Variants in EYS observed in about 807,000 individuals in gnomAD.
EYS encodes the protein protein eyes shut homolog.
In EYS, 250 loss-of-function variants were observed where a neutral mutation model predicts 282.1. The observed-to-expected ratio is 0.89, with a 90% CI of 0.80 to 0.98. The LOEUF is 0.98. Ranked by LOEUF, EYS falls within the 50% of genes least tolerant of loss-of-function variation. EYS has a pLI of 0.00. For missense variants in EYS, 4,016 were observed against 3,709.0 expected, an observed-to-expected ratio of 1.08 and a Z score of -2.15; for synonymous variants, 1,355 against 1,282.9, an observed-to-expected ratio of 1.06 and a Z score of -1.20.
intron 19 of EYS, among the ~76,000 whole-genome samples, chr6:64,870,489 T>A (rs1421954407): frequency 7.1e-6 from 1 of 140,656 alleles, no homozygotes; most frequent in Non-Finnish European, 1.5e-5. Flanking sequence ...TACAACATTA[T>A]AAGATCAAAA....
intron 11 of EYS, among the ~76,000 whole-genome samples, chr6:65,315,021 G>A (rs980500751): frequency 2.0e-5 from 3 of 152,056 alleles, no homozygotes; most frequent in African/African-American, 4.8e-5. Context: ...CTGAATACCC[G>A]TTCAAATGAA....
intron 22 of EYS, among the ~76,000 whole-genome samples, chr6:64,714,533 T>C (rs1771315647): frequency 6.8e-6 from 1 of 147,276 alleles, no homozygotes. Context: ...TTTTTTTTTT[T>C]TTTTTTTTTT....
intron 35 of EYS, among the ~76,000 whole-genome samples, chr6:63,879,184 A>G (rs956770581): frequency 1.3e-5 from 2 of 152,172 alleles, no homozygotes; most frequent in Non-Finnish European, 1.5e-5. Flanking sequence ...CTTGAAACTG[A>G]AGAATATATA....
intron 28 of EYS, among the ~76,000 whole-genome samples, chr6:64,393,266 C>A (rs1044796197): frequency 6.6e-6 from 1 of 152,164 alleles, no homozygotes. Flanking sequence ...AGGGAATCCT[C>A]CCTAACTCAT....
intron 24 of EYS, among the ~76,000 whole-genome samples, chr6:64,601,444 T>A (rs899168421): frequency 1.2e-4 from 18 of 151,910 alleles, no homozygotes; most frequent in Non-Finnish European, 2.5e-4. Flanking sequence ...ATCATTACTC[T>A]ATTGCTGAAG....
At chr6:64,593,682 C>A (rs371148514) in intron 24 of EYS, among the ~76,000 whole-genome samples, 3 of 152,042 alleles carry the variant, frequency 2.0e-5, no homozygotes, top group African/African-American at 7.2e-5. Context: ...CTCTAAAAGT[C>A]AAATTTAGTT....
chr6:64,804,469 T>C (rs1764362311), intron 22 of EYS, among the ~76,000 whole-genome samples: 2 of 152,190 alleles, frequency 1.3e-5, no homozygotes, highest in African/African-American at 2.4e-5. Context: ...ATTAACCATC[T>C]GGTAATTATG....
intron 5 of EYS, among the ~76,000 whole-genome samples, chr6:65,433,644 C>T (rs563090532): frequency 2.0e-5 from 3 of 152,082 alleles, no homozygotes; most frequent in African/African-American, 4.8e-5. Context: ...AGATTTAGTA[C>T]GTTATTCAGA....
At chr6:63,852,623 C>T (rs1772288592) in intron 36 of EYS, among the ~76,000 whole-genome samples, 1 of 152,168 alleles carries the variant, frequency 6.6e-6, no homozygotes, top group Non-Finnish European at 1.5e-5. Flanking sequence ...TCCTCCCTAA[C>T]ACATTTTATG....
At chr6:64,611,656 G>A (rs781353890) in intron 24 of EYS, among the ~76,000 whole-genome samples, 24 of 152,130 alleles carry the variant, frequency 1.6e-4, no homozygotes, top group Non-Finnish European at 2.4e-4. Context: ...AATTTCACCC[G>A]AATAAGAGCA....
intron 12 of EYS, among the ~76,000 whole-genome samples, chr6:65,165,798 G>A (rs1459249032): frequency 6.6e-6 from 1 of 151,010 alleles, no homozygotes; most frequent in Non-Finnish European, 1.5e-5. Context: ...TATGGCATAT[G>A]ACACAATTTT....
chr6:64,204,419 T>C (rs1765558298), intron 31 of EYS, among the ~76,000 whole-genome samples: 1 of 152,164 alleles, frequency 6.6e-6, no homozygotes, highest in Admixed American at 6.5e-5. Context: ...AGAAATGTCA[T>C]AGCATCTTTT....
chr6:65,273,045 T>G (rs550307209), intron 12 of EYS, among the ~76,000 whole-genome samples: 33 of 152,282 alleles, frequency 2.2e-4, no homozygotes, highest in African/African-American at 7.7e-4. Flanking sequence ...ATAATCAGGA[T>G]GGCTAATTGA....
chr6:64,426,414 G>A (rs1455714551), intron 28 of EYS, among the ~76,000 whole-genome samples: 1 of 152,130 alleles, frequency 6.6e-6, no homozygotes, highest in African/African-American at 2.4e-5. Flanking sequence ...GAATAGTAAA[G>A]AACAAGTAAC....
chr6:65,111,711 G>T (rs772517035), intron 12 of EYS, among the ~76,000 whole-genome samples: 128 of 152,198 alleles, frequency 8.4e-4, no homozygotes, highest in South Asian at 1.9e-3. Flanking sequence ...GCCAGGAGTG[G>T]TGGCACATGC....
chr6:65,570,729 C>A (rs1764447577), intron 2 of EYS, among the ~76,000 whole-genome samples: 1 of 152,120 alleles, frequency 6.6e-6, no homozygotes, highest in Non-Finnish European at 1.5e-5. Flanking sequence ...TGAATAAAGT[C>A]TCAATAAAAA....
intron 19 of EYS, among the ~76,000 whole-genome samples, chr6:64,884,045 G>A (rs1767006885): frequency 6.6e-6 from 1 of 151,522 alleles, no homozygotes; most frequent in African/African-American, 2.4e-5. Context: ...AAATGAAGAA[G>A]TATCGAGTTA....
rs377090818 is a variant in EYS, at chr6:65,057,642, G to C, written c.2109C>G (p.Tyr703Ter). The C allele has an allele frequency of 3.9e-6, 6 of 1,550,112 alleles. No individual in the cohort carries two copies. Among genetic ancestry groups the C allele is most frequent in the Non-Finnish European group, 3.5e-6 (4 of 1,145,728 alleles). ...TAAATGGAGGCACACACTGGCAGAA[G>C]TAATTACCAGGTTGGTCAATGCAGG... ...GATCIDQPGN[Y>*]FCQCVPPFKV... The change falls in exon 13 of 43, where the codon TAC becomes TAG. Residue 703 changes from tyrosine to a stop codon, truncating the protein, a stop_gained. Transcript: ENST00000503581. LOFTEE classifies it high-confidence loss of function.
chr6:65,179,280 G>GT (rs972978281), intron 12 of EYS, among the ~76,000 whole-genome samples: 2 of 151,926 alleles, frequency 1.3e-5, no homozygotes, highest in African/African-American at 2.4e-5. Context: ...CCAGGAGCTG[G>GT]TTTTTTGAAA....
Sources: gnomAD v4.1 joint callset for allele counts (sites outside exome capture counted in the v4.1 genomes callset) on GRCh38, gnomAD v4.1.1 for gene constraint, MANE v1.5 for transcripts, NCBI Gene and HGNC (gene_info 2026-07-23, HGNC 2026-07-21) for gene names.